USH2A: variants seen among roughly 807,000 people sequenced by gnomAD.
USH2A encodes usherin.
A neutral mutation model predicts 538.9 loss-of-function variants in USH2A; 443 were observed. That is an observed-to-expected ratio of 0.82 (90% CI 0.76 to 0.89). The LOEUF (loss-of-function observed/expected upper bound fraction) is 0.89, where lower values mean the gene tolerates loss of function less well. USH2A is among the 40% of genes least tolerant of loss of function. The probability of loss-of-function intolerance (pLI) is 0.00; values close to 1 mark genes in which losing one functional copy is unlikely to be tolerated. For synonymous variants in USH2A, 2,413 were observed against 2,273.5 expected (o/e 1.06, Z -1.75); for missense variants, 6,633 against 6,324.8 (o/e 1.05, Z -1.65).
At chr1:216,387,947 C>A (rs1029750153) in intron 3 of USH2A, among the ~76,000 whole-genome samples, 4 of 152,050 alleles carry the variant, frequency 2.6e-5, no homozygotes, top group Non-Finnish European at 1.5e-5. Flanking sequence ...GCTCTCCTGA[C>A]CTTCTAACCC....
intron 65 of USH2A, among the ~76,000 whole-genome samples, 183 bp downstream of exon 65, chr1:215,650,409 A>G (rs1378458998): frequency 6.6e-6 from 1 of 152,146 alleles, no homozygotes; most frequent in Non-Finnish European, 1.5e-5. Context: ...TACTTTCTGT[A>G]TGTTTCCTCA....
At chr1:215,661,074 G>GA (rs1397447314) in intron 64 of USH2A, among the ~76,000 whole-genome samples, 1 of 152,176 alleles carries the variant, frequency 6.6e-6, no homozygotes, top group African/African-American at 2.4e-5. Flanking sequence ...AATAATCATA[G>GA]ATTGACAAGC....
chr1:216,025,275 T>C (rs905358954), intron 32 of USH2A, among the ~76,000 whole-genome samples: 7 of 151,836 alleles, frequency 4.6e-5, no homozygotes, highest in Admixed American at 3.3e-4. Flanking sequence ...TATATACACA[T>C]TTAATTTGTC....
At chr1:216,217,738 A>G (rs1465116118) in intron 14 of USH2A, among the ~76,000 whole-genome samples, 188 bp from the exon 15 acceptor site, 1 of 152,078 alleles carries the variant, frequency 6.6e-6, no homozygotes, top group Non-Finnish European at 1.5e-5. Flanking sequence ...AGATCTTTAT[A>G]AAACTACTGT....
intron 33 of USH2A, among the ~76,000 whole-genome samples, chr1:215,999,827 TA>T (rs1240299051): frequency 7.2e-5 from 11 of 152,094 alleles, no homozygotes; most frequent in Admixed American, 1.3e-4. Flanking sequence ...TCATTTAGTC[TA>T]AACTCTTATT....
intron 21 of USH2A, among the ~76,000 whole-genome samples, chr1:216,119,167 T>G (rs2033074035): frequency 6.6e-6 from 1 of 152,212 alleles, no homozygotes; most frequent in Admixed American, 6.5e-5. Context: ...AAAGGAGTTC[T>G]CCCCAACCCC....
chr1:215,816,896 A>G, intron 48 of USH2A, 101 bp downstream of exon 48: 1 of 1,278,712 alleles, frequency 7.8e-7, no homozygotes, highest in Non-Finnish European at 1.1e-6. Flanking sequence ...AGAGTAGTGG[A>G]AATATTGATC....
intron 48 of USH2A, among the ~76,000 whole-genome samples, chr1:215,815,362 A>G (rs1402927469): frequency 6.6e-6 from 1 of 151,236 alleles, no homozygotes; most frequent in East Asian, 1.9e-4. Flanking sequence ...TTGCTTCCCT[A>G]TTCATCAATT....
chr1:216,119,181 A>G (rs1166966090), intron 21 of USH2A, among the ~76,000 whole-genome samples: 1 of 152,226 alleles, frequency 6.6e-6, no homozygotes, highest in African/African-American at 2.4e-5. Context: ...CAACCCCATC[A>G]CTAAATAGTT....
chr1:215,976,420 C>T (rs1275092191), intron 35 of USH2A, among the ~76,000 whole-genome samples: 1 of 152,094 alleles, frequency 6.6e-6, no homozygotes, highest in Non-Finnish European at 1.5e-5. Context: ...CAGCTTCTAC[C>T]TGCTCTGTGT....
chr1:215,826,311 G>A (rs368327741), intron 47 of USH2A, among the ~76,000 whole-genome samples: 16 of 152,312 alleles, frequency 1.1e-4, no homozygotes, highest in Admixed American at 2.6e-4. Context: ...CAACACTCGT[G>A]TGAGGGAATT....
intron 61 of USH2A, among the ~76,000 whole-genome samples, chr1:215,685,332 G>GTT (rs10716020): frequency 3.4e-4 from 50 of 145,074 alleles, no homozygotes; most frequent in African/African-American, 4.3e-4. Context: ...ATTCAAATCA[G>GTT]TTTTTTTTTT....
At chr1:215,978,757 C>G (rs1398689370) in intron 35 of USH2A, among the ~76,000 whole-genome samples, 1 of 152,136 alleles carries the variant, frequency 6.6e-6, no homozygotes, top group African/African-American at 2.4e-5. Flanking sequence ...CTTTTTAGAG[C>G]AGTCAAGTCT....
intron 61 of USH2A, among the ~76,000 whole-genome samples, chr1:215,692,087 T>C (rs926777553): frequency 1.2e-4 from 19 of 152,160 alleles, no homozygotes; most frequent in African/African-American, 1.9e-4. Context: ...TTTAAAGAAG[T>C]GTGGTAAGCA....
chr1:215,625,812 T>C lies in USH2A; in HGVS notation c.15578A>G (p.Glu5193Gly). The part of the protein sequence containing the change: ...AIKDFSSVTK[E>G]RTTFTDTHL ...GTGGGTGTCTGTGAATGTGGTGCGTTCCTTAGTCACTGAGCTGAAATCCTT... is the reference window on the plus strand; with the variant it reads ...GTGGGTGTCTGTGAATGTGGTGCGTCCCTTAGTCACTGAGCTGAAATCCTT... Residue 5193 changes from glutamate to glycine, a missense_variant, in exon 72 of 72, where the codon GAA becomes GGA. Coordinates refer to ENST00000307340, the MANE Select transcript of USH2A (RefSeq NM_206933.4). 1 of 1,614,118 alleles carries C rather than the reference T, an allele frequency of 6.2e-7. No individual in the cohort carries two copies. The highest frequency in any genetic ancestry group is 8.5e-7 in the Non-Finnish European group (1 of 1,179,974).
In USH2A at chr1:215,885,912, T is replaced by A. The variant is rs544465761; in HGVS notation, c.8223+2514A>T. On this transcript the variant is annotated intron_variant, in intron 41 of 71. Transcript: ENST00000307340. Reference sequence around the variant, plus strand: ...CATTCCATATTTCTCTACACTCAATTTGTTCTTCTCCCCCAAGTCCTTATT... The same window carrying A: ...CATTCCATATTTCTCTACACTCAATATGTTCTTCTCCCCCAAGTCCTTATT... Among the ~76,000 whole-genome samples, 5 of 152,306 alleles carry A rather than the reference T, an allele frequency of 3.3e-5. No individual in the cohort carries two copies. The South Asian group carries it at 1.0e-3, about 32-fold the overall frequency.
rs995052140 is a variant in USH2A at position 215,641,743 on chromosome 1, A to C, written c.14792-1009T>G. 5.3e-5 allele frequency among the ~76,000 whole-genome samples: 8 copies of C among 152,234 alleles called. No individual in the cohort carries two copies. The East Asian group carries it at 7.7e-4, about 15-fold the overall frequency. On this transcript the variant is annotated intron_variant, in intron 67 of 71. Transcript: ENST00000307340. ...ATTCTTTTTCTTTAAAAATCAATCC[A>C]TCTATTTCTGATGTTAGGAAATATA...
At chr1:215,762,963 A>G (rs927488412) in intron 56 of USH2A, among the ~76,000 whole-genome samples, 1 of 152,166 alleles carries the variant, frequency 6.6e-6, no homozygotes, top group Non-Finnish European at 1.5e-5. Context: ...TGCATGCCAT[A>G]TTACCCACTT....
At chr1:216,108,089 A>AT (rs2032781612) in intron 21 of USH2A, among the ~76,000 whole-genome samples, 1 of 151,272 alleles carries the variant, frequency 6.6e-6, no homozygotes, top group Non-Finnish European at 1.5e-5. Context: ...ATTTTCCTTC[A>AT]TTTTTTCCTC....
Sources: gnomAD v4.1 joint callset for allele counts (sites outside exome capture counted in the v4.1 genomes callset) on GRCh38, gnomAD v4.1.1 for gene constraint, MANE v1.5 for transcripts, NCBI Gene and HGNC (gene_info 2026-07-23, HGNC 2026-07-21) for gene names.